EPM2A: variants seen among roughly 807,000 people sequenced by gnomAD.
EPM2A encodes laforin.
Under a neutral mutation model 26.5 loss-of-function variants are expected in EPM2A, and 21 were observed. That is an observed-to-expected ratio of 0.79 (90% confidence interval 0.56 to 1.14). The LOEUF is 1.14. Ranked by LOEUF, EPM2A falls within the 50% of genes most tolerant of loss-of-function variation. EPM2A has a pLI of 0.00. For synonymous variants in EPM2A, 217 were observed against 177.6 expected (o/e 1.22, Z -1.76); for missense variants, 458 against 440.8 (o/e 1.04, Z -0.35).
chr6:145,669,652 T>C (rs1334638157), intron 2 of EPM2A, among the ~76,000 whole-genome samples: 3 of 152,168 alleles, frequency 2.0e-5, no homozygotes, highest in Non-Finnish European at 2.9e-5. Flanking sequence ...CTTCAGCATG[T>C]TACTTAGATT....
rs186138243 is a variant in EPM2A, at chr6:145,473,874, G to T, written c.555+28648C>A. ...TTTCCCAGACAAACAAAAGCTGAAG[G>T]ATTTTATCAATACCAGAGCTGTCCT... On this transcript the variant is annotated intron_variant, in intron 4 of 4. Transcript: ENST00000638717. Among the ~76,000 whole-genome samples the T allele has an allele frequency of 3.0e-3, 454 of 149,250 alleles. 2 individuals carry two copies. The highest frequency in any genetic ancestry group is 0.014 in the Middle Eastern group (4 of 292).
In EPM2A at chr6:145,541,311, TATATAC is replaced by T. The variant is rs1780507631; in HGVS notation, c.341-38742_341-38737del. Among the ~76,000 whole-genome samples, 9 of 143,216 alleles carry T rather than the reference TATATAC, an allele frequency of 6.3e-5. 1 individual carries two copies. In the South Asian group the frequency reaches 9.5e-4, roughly 15 times the overall value. The allele number at this position is 143,216 out of a possible 152,430, so 94.0% of individuals were successfully genotyped here. On this transcript the variant is annotated intron_variant, in intron 2 of 3. Transcript: ENST00000450221. ...AAAAACACCAATTTGTGTGTGTGTG[TATATAC>T]ATATATATGTGTATATATATGTGTG...
intron 2 of EPM2A, among the ~76,000 whole-genome samples, chr6:145,578,042 T>C (rs372437177): frequency 9.2e-5 from 14 of 152,122 alleles, no homozygotes; most frequent in South Asian, 6.2e-4. Flanking sequence ...CTATGGGTTA[T>C]AGCAAAAGAA....
chr6:145,511,362 T>C (rs754222208), intron 2 of EPM2A, among the ~76,000 whole-genome samples: 1 of 152,098 alleles, frequency 6.6e-6, no homozygotes, highest in Admixed American at 6.6e-5. Flanking sequence ...CTCAGCAATA[T>C]ACTAGCAAAC....
chr6:145,626,925 T>TGAGCTCTGG lies in EPM2A; in HGVS notation c.*490_*491insCCAGAGCTC. On this transcript the variant is annotated 3_prime_UTR_variant, in exon 4 of 4. Transcript: ENST00000367519. ...GAAAGCCATCACTTTTTGACCATAG[T>TGAGCTCTGG]GAGCTCTTCTTTTGTAACGGTTCAG... 1 of 1,007,050 alleles carries TGAGCTCTGG rather than the reference T, an allele frequency of 9.9e-7. No individual in the cohort carries two copies. The highest frequency in any genetic ancestry group is 1.2e-6 in the Non-Finnish European group (1 of 841,824). The allele number at this position is 1,007,050 out of a possible 1,614,324, so 62.4% of individuals were successfully genotyped here.
At chr6:145,557,858 G>A (rs1263952731) in intron 2 of EPM2A, among the ~76,000 whole-genome samples, 1 of 151,912 alleles carries the variant, frequency 6.6e-6, no homozygotes, top group Non-Finnish European at 1.5e-5. Flanking sequence ...CTAAAATTTT[G>A]TATCCTTTGA....
chr6:145,425,601 C>A (rs748558356), intron 4 of EPM2A, among the ~76,000 whole-genome samples: 23 of 148,826 alleles, frequency 1.5e-4, no homozygotes, highest in Non-Finnish European at 3.0e-4. Context: ...TCAATCCATT[C>A]CTTTAAAATT....
chr6:145,466,197 G>T (rs1313696752), intron 4 of EPM2A, among the ~76,000 whole-genome samples: 2 of 148,606 alleles, frequency 1.3e-5, no homozygotes, highest in African/African-American at 4.9e-5. Flanking sequence ...CCATCAGAGT[G>T]AACAGGCAAC....
intron 2 of EPM2A, among the ~76,000 whole-genome samples, chr6:145,568,476 C>T (rs1780913526): frequency 6.6e-6 from 1 of 152,050 alleles, no homozygotes; most frequent in Non-Finnish European, 1.5e-5. Flanking sequence ...CGTGCCACCA[C>T]CACGCCCAGC....
chr6:145,425,116 C>CCATTCCTTCCTTCCTTCCTTCCTT (rs1554235704), intron 4 of EPM2A, among the ~76,000 whole-genome samples: 1 of 131,846 alleles, frequency 7.6e-6, no homozygotes. Flanking sequence ...ATGTAAGTCT[C>CCATTCCTTCCTTCCTTCCTTCCTT]CCTTCCTTCC....
intron 2 of EPM2A, among the ~76,000 whole-genome samples, chr6:145,526,379 C>T (rs558240672): frequency 2.4e-4 from 36 of 152,138 alleles, no homozygotes; most frequent in Non-Finnish European, 3.8e-4. Flanking sequence ...CTTCTTTATA[C>T]GTCTAGTAGA....
chr6:145,540,225 A>G (rs1252010848), intron 2 of EPM2A, among the ~76,000 whole-genome samples: 1 of 152,198 alleles, frequency 6.6e-6, no homozygotes, highest in East Asian at 1.9e-4. Context: ...CTGTATCTCA[A>G]ACTTTCTATT....
At chr6:145,601,157 TC>T (rs1781411821) in intron 2 of EPM2A, among the ~76,000 whole-genome samples, 2 of 152,258 alleles carry the variant, frequency 1.3e-5, no homozygotes, top group African/African-American at 4.8e-5. Context: ...ATTAGATTTT[TC>T]CTGTTGATAT....
intron 4 of EPM2A, among the ~76,000 whole-genome samples, chr6:145,460,576 C>T (rs1779317351): frequency 6.6e-6 from 1 of 152,066 alleles, no homozygotes; most frequent in Non-Finnish European, 1.5e-5. Flanking sequence ...AATTATTACC[C>T]TTTGTTTCCT....
chr6:145,590,018 C>A (rs1781251556), intron 2 of EPM2A, among the ~76,000 whole-genome samples: 1 of 152,050 alleles, frequency 6.6e-6, no homozygotes, highest in African/African-American at 2.4e-5. Context: ...CACACAAATT[C>A]TAGAAAGACA....
rs9485014 is a variant in EPM2A, at chr6:145,647,758, G to T, written c.477-12272C>A. On this transcript the variant is annotated intron_variant, in intron 2 of 3. Transcript: ENST00000367519. ...GGGGAAGAGGAAGGGAAGAAGGAAG[G>T]ACTTTACTAACTCAAGATATTCTAG... Among the ~76,000 whole-genome samples, 793 of 152,126 alleles carry T rather than the reference G, an allele frequency of 5.2e-3. 4 individuals are homozygous for T. The highest frequency in any genetic ancestry group is 0.018 in the African/African-American group (759 of 41,494).
intron 4 of EPM2A, among the ~76,000 whole-genome samples, chr6:145,405,443 G>A (rs1465440144): frequency 6.6e-6 from 1 of 152,036 alleles, no homozygotes; most frequent in Non-Finnish European, 1.5e-5. Context: ...GTACATGAAT[G>A]ACACCCTAGA....
At chr6:145,702,990 T>C (rs1782007657) in intron 1 of EPM2A, among the ~76,000 whole-genome samples, 1 of 152,242 alleles carries the variant, frequency 6.6e-6, no homozygotes, top group Admixed American at 6.5e-5. Context: ...TATTGGTTTA[T>C]TCCTATCTGT....
intron 2 of EPM2A, among the ~76,000 whole-genome samples, chr6:145,564,684 C>T (rs1051744833): frequency 6.7e-6 from 1 of 149,982 alleles, no homozygotes; most frequent in African/African-American, 2.5e-5. Flanking sequence ...ATGGAGATGG[C>T]CTCAGGCTAT....
Sources: gnomAD v4.1 joint callset for allele counts (sites outside exome capture counted in the v4.1 genomes callset) on GRCh38, gnomAD v4.1.1 for gene constraint, MANE v1.5 for transcripts, NCBI Gene and HGNC (gene_info 2026-07-23, HGNC 2026-07-21) for gene names.